COPG2: variants seen among roughly 807,000 people sequenced by gnomAD.
COPG2 encodes the protein coatomer subunit gamma-2.
COPG2 carries 37 observed loss-of-function variants against 46.3 expected under a neutral mutation model. The ratio of observed to expected loss-of-function variants is 0.80; its 90% confidence interval spans 0.61 to 1.05. The LOEUF (loss-of-function observed/expected upper bound fraction) is 1.05. Among genes scored for constraint, COPG2 ranks in the 50% least tolerant of loss-of-function variants. COPG2 has a pLI of 0.00. For missense variants in COPG2, 427 were observed against 387.8 expected (o/e 1.10, Z -0.85); for synonymous variants, 159 against 129.7 (o/e 1.23, Z -1.53).
intron 5 of COPG2, among the ~76,000 whole-genome samples, chr7:130,651,153 A>T (rs1205815310): frequency 1.3e-5 from 2 of 152,210 alleles, no homozygotes; most frequent in East Asian, 3.8e-4. Flanking sequence ...CAACTATTTT[A>T]AAAATAATGT....
chr7:130,645,918 G>A (rs1201104818), intron 5 of COPG2, among the ~76,000 whole-genome samples: 1 of 152,176 alleles, frequency 6.6e-6, no homozygotes, highest in Admixed American at 6.5e-5. Context: ...CTGTTGCCCT[G>A]TTTTTGACAG....
At chr7:130,571,694 G>A (rs1370905232) in intron 9 of COPG2, among the ~76,000 whole-genome samples, 1 of 152,052 alleles carries the variant, frequency 6.6e-6, no homozygotes, top group Non-Finnish European at 1.5e-5. Context: ...CCACTACTGG[G>A]TATCTACCCA....
intron 12 of COPG2, among the ~76,000 whole-genome samples, chr7:130,555,820 AC>A (rs1793614283): frequency 6.6e-6 from 1 of 151,872 alleles, no homozygotes; most frequent in Non-Finnish European, 1.5e-5. Context: ...ACAGAGAGAG[AC>A]TCTGTCTCAA....
intron 3 of COPG2, among the ~76,000 whole-genome samples, chr7:130,663,657 C>T (rs1251327287): frequency 6.6e-6 from 1 of 151,488 alleles, no homozygotes; most frequent in Non-Finnish European, 1.5e-5. Flanking sequence ...GACAATTCAT[C>T]CTGGGATCTT....
chr7:130,667,745 C>T (rs1554461685), intron 1 of COPG2, among the ~76,000 whole-genome samples: 2 of 152,216 alleles, frequency 1.3e-5, no homozygotes, highest in Non-Finnish European at 2.9e-5. Context: ...TCTTTCGCAG[C>T]AACCCTCTCC....
At chr7:130,530,761 AAGAC>A (rs1465736907) in intron 20 of COPG2, among the ~76,000 whole-genome samples, 4 of 151,950 alleles carry the variant, frequency 2.6e-5, no homozygotes, top group Non-Finnish European at 4.4e-5. Flanking sequence ...TCACCTACAG[AAGAC>A]AGACAGGGTG....
intron 5 of COPG2, chr7:130,645,263 A>G: frequency 1.5e-6 from 1 of 666,078 alleles, no homozygotes; most frequent in South Asian, 1.4e-5. Context: ...TGGCAAAGAG[A>G]TATTACCTGG....
At chr7:130,588,964 G>A (rs901105029) in intron 9 of COPG2, among the ~76,000 whole-genome samples, 9 of 151,920 alleles carry the variant, frequency 5.9e-5, no homozygotes, top group African/African-American at 1.9e-4. Context: ...TACACACAAG[G>A]AGAAACTATA....
At chr7:130,613,818 G>A (rs1267828673) in intron 6 of COPG2, among the ~76,000 whole-genome samples, 182 bp from the exon 7 acceptor site, 3 of 152,190 alleles carry the variant, frequency 2.0e-5, no homozygotes, top group African/African-American at 7.2e-5. Flanking sequence ...AAACAACGAA[G>A]TTGAAGCTTT....
intron 12 of COPG2, among the ~76,000 whole-genome samples, chr7:130,559,532 A>G (rs916999264): frequency 2.6e-5 from 4 of 152,162 alleles, no homozygotes; most frequent in South Asian, 4.1e-4. Context: ...CTGACTGACT[A>G]TGTGTCCAGA....
At chr7:130,593,697 G>A (rs1008313586) in intron 9 of COPG2, among the ~76,000 whole-genome samples, 3 of 152,024 alleles carry the variant, frequency 2.0e-5, no homozygotes, top group Non-Finnish European at 4.4e-5. Flanking sequence ...TAATGGTGCT[G>A]AGATTATTGG....
intron 12 of COPG2, among the ~76,000 whole-genome samples, chr7:130,557,410 A>G (rs1254520587): frequency 1.3e-5 from 2 of 152,198 alleles, no homozygotes; most frequent in African/African-American, 4.8e-5. Flanking sequence ...CATCATCAGG[A>G]TATGTATTCT....
rs1226464245 is a variant in COPG2, at chr7:130,612,248, G to A, written c.493-10C>T. 76 of 1,094,386 alleles carry A rather than the reference G, an allele frequency of 6.9e-5. No homozygotes were observed. The highest frequency in any genetic ancestry group is 6.2e-4 in the Admixed American group (23 of 37,110). 67.8% of individuals were successfully genotyped at this position (1,094,386 alleles called of 1,614,324 possible). On this transcript the variant is annotated splice_polypyrimidine_tract_variant and intron_variant, in intron 7 of 23. Coordinates refer to ENST00000425248, the MANE Select transcript of COPG2 (RefSeq NM_012133.6). ...TTATCTTCATCATGTGCTAAATACA[G>A]AAAAAAAAAAATGAGAATAAATAAT...
intron 9 of COPG2, among the ~76,000 whole-genome samples, chr7:130,600,339 C>G (rs964028485): frequency 1.3e-5 from 2 of 152,204 alleles, no homozygotes; most frequent in Non-Finnish European, 2.9e-5. Flanking sequence ...TGGCTCACCG[C>G]AACCTCCGCC....
At position 130,541,543 on chromosome 7, in the gene COPG2, C is replaced by T. The variant is rs931667782; in HGVS notation, c.2149+6131G>A. 5.1e-4 allele frequency among the ~76,000 whole-genome samples: 77 copies of T among 151,772 alleles called. 1 individual carries two copies. The highest frequency in any genetic ancestry group is 1.7e-3 in the African/African-American group (72 of 41,300). The stretch of plus-strand genomic sequence containing the variant: ...GTGGGAGATGAGGACGGGCAGAGAG[C>T]GAGACACGAGTGAGTGACAAAGACA... On this transcript the variant is annotated intron_variant, in intron 20 of 23. Transcript: ENST00000425248.
chr7:130,539,367 G>GT (rs1799914557), intron 20 of COPG2, among the ~76,000 whole-genome samples: 1 of 152,186 alleles, frequency 6.6e-6, no homozygotes, highest in Non-Finnish European at 1.5e-5. Flanking sequence ...CAAGGCTGGA[G>GT]TGGAAGAGGG....
At chr7:130,597,778 T>C (rs1304331304) in intron 9 of COPG2, among the ~76,000 whole-genome samples, 2 of 152,168 alleles carry the variant, frequency 1.3e-5, no homozygotes, top group Non-Finnish European at 2.9e-5. Context: ...TATGCTAACA[T>C]TGAACCCAAT....
At chr7:130,582,580 A>T (rs1474119698) in intron 9 of COPG2, among the ~76,000 whole-genome samples, 183 of 151,290 alleles carry the variant, frequency 1.2e-3, no homozygotes, top group African/African-American at 4.2e-3. Flanking sequence ...ATGGGAGAAA[A>T]TTTTTGCAAC....
intron 20 of COPG2, among the ~76,000 whole-genome samples, chr7:130,516,652 G>A (rs1361914542): frequency 6.6e-6 from 1 of 152,156 alleles, no homozygotes; most frequent in African/African-American, 2.4e-5. Flanking sequence ...AGATATGGAA[G>A]GGCATTAAAG....
Sources: allele counts gnomAD v4.1 joint callset (sites outside exome capture counted in the v4.1 genomes callset), GRCh38; gene constraint gnomAD v4.1.1; transcripts MANE v1.5; gene names NCBI Gene and HGNC (gene_info 2026-07-23, HGNC 2026-07-21).